Variants in DDR2 observed in about 807,000 individuals in gnomAD.
DDR2 encodes discoidin domain-containing receptor 2.
In DDR2, 27 loss-of-function variants were observed where a neutral mutation model predicts 94.9. The ratio of observed to expected loss-of-function variants is 0.28; its 90% confidence interval spans 0.21 to 0.39. The LOEUF (loss-of-function observed/expected upper bound fraction) is 0.39, where lower values mean the gene tolerates loss of function less well. DDR2 is among the 10% of genes least tolerant of loss of function. DDR2 has a pLI of 1.00. For synonymous variants in DDR2, 382 were observed against 377.2 expected, an observed-to-expected ratio of 1.01 and a Z score of -0.15; for missense variants, 783 against 1,076.0, an observed-to-expected ratio of 0.73 and a Z score of 3.81.
Position 162,701,996 on chromosome 1 carries a change from C to T in DDR2, c.-27-17041C>T, listed in dbSNP as rs1234840547. Among the ~76,000 whole-genome samples the T allele has an allele frequency of 2.0e-5, 3 of 152,326 alleles. No individual in the cohort carries two copies. In the East Asian group the frequency reaches 5.8e-4, roughly 29 times the overall value. On this transcript the variant is annotated intron_variant, in intron 2 of 17. Coordinates refer to ENST00000367921, the MANE Select transcript of DDR2 (RefSeq NM_006182.4). ...ACTCATCACCACTTTTCTCTTCCCA[C>T]TGGAGCTGTATTAAGCTCCTTGAAA...
At chr1:162,655,888 A>G (rs1657933180) in intron 2 of DDR2, among the ~76,000 whole-genome samples, 1 of 152,252 alleles carries the variant, frequency 6.6e-6, no homozygotes, top group African/African-American at 2.4e-5. Flanking sequence ...TAATAGTACA[A>G]GAGTCCTGTA....
chr1:162,778,752 G>T (rs1647727397), intron 17 of DDR2, 23 bp downstream of exon 17: 6 of 1,613,616 alleles, frequency 3.7e-6, no homozygotes, highest in Non-Finnish European at 5.1e-6. Context: ...GGGGATGAAT[G>T]GATGTGGACC....
rs75216851 is a variant in DDR2, at chr1:162,635,814, G to A, written c.-192+3183G>A. ...AGATTGGGAATCAGTACTTTGAACT[G>A]CTCCCCAGGTGATTCTGATGTGAAA... On this transcript the variant is annotated intron_variant, in intron 1 of 17. Transcript: ENST00000367921. Among the ~76,000 whole-genome samples, 290 of 152,306 alleles carry A rather than the reference G, an allele frequency of 1.9e-3. 5 individuals carry two copies. In the East Asian group the frequency reaches 0.043, roughly 23 times the overall value.
At chr1:162,688,111 T>A (rs1047958048) in intron 2 of DDR2, among the ~76,000 whole-genome samples, 1 of 152,180 alleles carries the variant, frequency 6.6e-6, no homozygotes, top group African/African-American at 2.4e-5. Context: ...GCTCTGGACA[T>A]GTTCTAAGTG....
intron 2 of DDR2, among the ~76,000 whole-genome samples, chr1:162,662,355 T>A (rs999448553): frequency 3.9e-5 from 6 of 152,192 alleles, no homozygotes; most frequent in Non-Finnish European, 8.8e-5. Context: ...AACTAACACC[T>A]CATTCAGCTT....
chr1:162,776,186 A>G lies in DDR2; in HGVS notation c.2099A>G (p.Tyr700Cys), dbSNP rs773720424. ...MATQIASGMK[Y>C]LSSLNFVHRD... is the part of the protein sequence containing the mutation. ...ACCCAAATTGCCTCTGGCATGAAGT[A>G]CCTTTCCTCTCTTAATTTTGTTCAC... is the stretch of plus-strand genomic sequence containing the variant. The change falls in exon 16 of 18, where the codon TAC (tyrosine) becomes TGC (cysteine). Residue 700 changes from tyrosine (Y) to cysteine (C), a missense_variant. Coordinates refer to ENST00000367921, the MANE Select transcript of DDR2 (RefSeq NM_006182.4). 1.2e-6 allele frequency: 2 copies of G among 1,613,878 alleles called. No homozygotes were observed. The highest frequency in any genetic ancestry group is 1.7e-6 in the Non-Finnish European group (2 of 1,179,958).
At chr1:162,671,264 A>G (rs565336478) in intron 2 of DDR2, among the ~76,000 whole-genome samples, 1 of 152,294 alleles carries the variant, frequency 6.6e-6, no homozygotes, top group Admixed American at 6.5e-5. Context: ...CTCAGTTCCT[A>G]CAGTCCTCTA....
chr1:162,767,465 G>A (rs531812404), intron 11 of DDR2, 106 bp downstream of exon 11: 1 of 1,475,916 alleles, frequency 6.8e-7, no homozygotes, highest in South Asian at 1.2e-5. Context: ...ATTAATGGTT[G>A]GAATTAACTG....
At chr1:162,752,093 T>C (rs1663238452) in intron 3 of DDR2, among the ~76,000 whole-genome samples, 1 of 151,280 alleles carries the variant, frequency 6.6e-6, no homozygotes, top group Non-Finnish European at 1.5e-5. Flanking sequence ...CATGTATATA[T>C]GTGACAAACC....
At chr1:162,653,676 G>A (rs1268821152) in intron 1 of DDR2, among the ~76,000 whole-genome samples, 1 of 152,152 alleles carries the variant, frequency 6.6e-6, no homozygotes, top group East Asian at 1.9e-4. Flanking sequence ...TCAAGAACCA[G>A]GAGAGGCTGG....
intron 1 of DDR2, among the ~76,000 whole-genome samples, chr1:162,634,160 C>T (rs1199512445): frequency 6.6e-6 from 1 of 152,152 alleles, no homozygotes; most frequent in African/African-American, 2.4e-5. Flanking sequence ...CTCTCAGAGG[C>T]CACTTCTGCA....
chr1:162,746,765 T>G (rs775512425), intron 3 of DDR2, among the ~76,000 whole-genome samples: 3 of 152,194 alleles, frequency 2.0e-5, no homozygotes, highest in Non-Finnish European at 4.4e-5. Context: ...CCCTCTGAGA[T>G]GAAGCTTCCA....
rs1352979662 is a variant in DDR2 at position 162,761,442 on chromosome 1, A to G, written c.1087A>G (p.Thr363Ala). ...ADTWMMFSEI[T>A]FQSDAAMYNN... ...TACCTGGATGATGTTCAGTGAGATCACCTTCCAATCAGGTAGGGAGCTCAG... is the reference window on the plus strand; with the variant it reads ...TACCTGGATGATGTTCAGTGAGATCGCCTTCCAATCAGGTAGGGAGCTCAG... The change falls in exon 9 of 18, where the codon ACC becomes GCC. Residue 363 changes from threonine (T) to alanine (A), a missense_variant. By Grantham distance (58) the Thr-to-Ala change is moderately conservative. Coordinates refer to ENST00000367921, the MANE Select transcript of DDR2 (RefSeq NM_006182.4). 6.2e-7 allele frequency: 1 copy of G among 1,614,192 alleles called. No individual in the cohort carries two copies. Among genetic ancestry groups the G allele is most frequent in the Non-Finnish European group, 8.5e-7 (1 of 1,180,026 alleles).
At chr1:162,682,705 A>G (rs1228273197) in intron 2 of DDR2, among the ~76,000 whole-genome samples, 2 of 152,234 alleles carry the variant, frequency 1.3e-5, no homozygotes, top group African/African-American at 2.4e-5. Flanking sequence ...TGAAATTTTC[A>G]TATTTTAAGG....
intron 1 of DDR2, among the ~76,000 whole-genome samples, chr1:162,654,313 G>A (rs559749975): frequency 1.3e-5 from 2 of 152,112 alleles, no homozygotes; most frequent in South Asian, 2.1e-4. Context: ...GGGCATGGTG[G>A]TGTGTGCCTG....
At chr1:162,750,673 A>G (rs1436212202) in intron 3 of DDR2, among the ~76,000 whole-genome samples, 1 of 152,232 alleles carries the variant, frequency 6.6e-6, no homozygotes, top group Non-Finnish European at 1.5e-5. Context: ...ACCAAAAAAG[A>G]GCCCGCATTG....
rs772571900 is a variant in DDR2, at chr1:162,772,011, CT to C, written c.1505-11del. 8 of 1,591,970 alleles carry C rather than the reference CT, an allele frequency of 5.0e-6. No homozygotes were observed. The African/African-American group carries it at 1.1e-4, about 21-fold the overall frequency. ...CTCCACGGAATGAGGGCTCGTTGCC[CT>C]TGTCTTCCCAGGCTGCAGCGGTGTT... On this transcript the variant is annotated splice_polypyrimidine_tract_variant and intron_variant, in intron 12 of 17. Transcript: ENST00000367921.
At position 162,785,298 on chromosome 1, in the gene DDR2, A is replaced by G. The variant is rs1648104748; in HGVS notation, c.*5052A>G. On this transcript the variant is annotated 3_prime_UTR_variant, in exon 18 of 18. Coordinates refer to ENST00000367921, the MANE Select transcript of DDR2 (RefSeq NM_006182.4). Reference sequence around the variant, plus strand: ...TAAACCAGTATTTCAGTCAAGAGTTAGTTGGCACTTAGTTAATGGCACTGG... The same window carrying G: ...TAAACCAGTATTTCAGTCAAGAGTTGGTTGGCACTTAGTTAATGGCACTGG... 6.6e-6 allele frequency: 1 copy of G among 152,230 alleles called. No individual in the cohort carries two copies. The highest frequency in any genetic ancestry group is 1.5e-5 in the Non-Finnish European group (1 of 68,040). The allele number at this position is 152,230 out of a possible 1,614,324, so 9.4% of individuals were successfully genotyped here.
chr1:162,683,156 TAA>T (rs574700235), intron 2 of DDR2, among the ~76,000 whole-genome samples: 3 of 151,946 alleles, frequency 2.0e-5, no homozygotes, highest in Non-Finnish European at 2.9e-5. Flanking sequence ...ATTCATGACT[TAA>T]AAAAAACTCT....
Sources: allele counts gnomAD v4.1 joint callset (sites outside exome capture counted in the v4.1 genomes callset), GRCh38; gene constraint gnomAD v4.1.1; transcripts MANE v1.5; gene names NCBI Gene and HGNC (gene_info 2026-07-23, HGNC 2026-07-21).